Variants in KCNQ5 observed in about 807,000 individuals in gnomAD.
KCNQ5 encodes the protein potassium voltage-gated channel subfamily KQT member 5.
In KCNQ5, 30 loss-of-function variants were observed where a neutral mutation model predicts 98.2. The ratio of observed to expected loss-of-function variants is 0.31; its 90% confidence interval spans 0.23 to 0.41. KCNQ5 has a LOEUF of 0.41. KCNQ5 is among the 10% of genes least tolerant of loss of function. KCNQ5 has a pLI of 1.00. For synonymous variants in KCNQ5, 458 were observed against 449.4 expected, an observed-to-expected ratio of 1.02 and a Z score of -0.24; for missense variants, 835 against 1,182.5, an observed-to-expected ratio of 0.71 and a Z score of 4.31.
In KCNQ5 at chr6:73,024,881, C is replaced by A. The variant is rs576460619; in HGVS notation, c.490-17055C>A. Among the ~76,000 whole-genome samples the A allele has an allele frequency of 2.0e-5, 3 of 152,330 alleles. No individual in the cohort carries two copies. In the South Asian group the frequency reaches 6.2e-4, roughly 32 times the overall value. The stretch of plus-strand genomic sequence containing the variant: ...TGACAATAGTCATCCCACTGCCCAC[C>A]TTCCCACCAGCACAGTGTCTCTCCT... On this transcript the variant is annotated intron_variant, in intron 2 of 13. Coordinates refer to ENST00000370398, the MANE Select transcript of KCNQ5 (RefSeq NM_019842.4).
At chr6:73,143,336 C>T (rs1353221716) in intron 10 of KCNQ5, 1 of 152,182 alleles carries the variant, frequency 6.6e-6, no homozygotes, top group Non-Finnish European at 1.5e-5. Context: ...GCCATTAACT[C>T]GTATCCTCAC....
chr6:72,868,735 TAGCTG>T (rs1778089295), intron 1 of KCNQ5, among the ~76,000 whole-genome samples: 1 of 152,098 alleles, frequency 6.6e-6, no homozygotes, highest in African/African-American at 2.4e-5. Context: ...GTCTACATGG[TAGCTG>T]AGCTCCCATA....
intron 1 of KCNQ5, among the ~76,000 whole-genome samples, chr6:72,982,487 C>CTTTTTTTTTTT (rs141947372): frequency 6.1e-4 from 37 of 60,292 alleles, no homozygotes; most frequent in South Asian, 9.0e-4. Context: ...GCAACCCCTG[C>CTTTTTTTTTTT]TTTTTTTTTT....
intron 1 of KCNQ5, among the ~76,000 whole-genome samples, chr6:72,896,613 T>C (rs1310117521): frequency 1.3e-5 from 2 of 152,186 alleles, no homozygotes; most frequent in African/African-American, 4.8e-5. Context: ...CGTCCATAAC[T>C]GTACTGCTTT....
intron 11 of KCNQ5, among the ~76,000 whole-genome samples, chr6:73,190,231 ATGT>A (rs1765540789): frequency 6.6e-6 from 1 of 152,146 alleles, no homozygotes; most frequent in Non-Finnish European, 1.5e-5. Context: ...CTATTACTAG[ATGT>A]TGTATCTTGG....
chr6:73,014,194 T>C (rs532467250), intron 2 of KCNQ5, among the ~76,000 whole-genome samples: 1 of 152,222 alleles, frequency 6.6e-6, no homozygotes, highest in South Asian at 2.1e-4. Flanking sequence ...CTGTCTGGAG[T>C]GCATTTCCTC....
At position 72,765,374 on chromosome 6, in the gene KCNQ5, A is replaced by T. The variant is rs111888925; in HGVS notation, c.398+142787A>T. 2.0e-3 allele frequency among the ~76,000 whole-genome samples: 306 copies of T among 152,174 alleles called. 2 individuals carry two copies. The highest frequency in any genetic ancestry group is 7.0e-3 in the African/African-American group (289 of 41,536). Reference sequence around the variant, plus strand: ...AATAATCAATAAATAAGAATCTCAGATCAAGATAAGGACCATGCAGAAAGC... The same window carrying T: ...AATAATCAATAAATAAGAATCTCAGTTCAAGATAAGGACCATGCAGAAAGC... On this transcript the variant is annotated intron_variant, in intron 1 of 13. Coordinates refer to ENST00000370398, the MANE Select transcript of KCNQ5 (RefSeq NM_019842.4).
rs1770870793 is a variant in KCNQ5 at position 72,736,734 on chromosome 6, C to T, written c.398+114147C>T. Among the ~76,000 whole-genome samples the T allele has an allele frequency of 5.3e-5, 8 of 151,238 alleles. No homozygotes were observed. In the South Asian group the frequency reaches 1.5e-3, roughly 28 times the overall value. On this transcript the variant is annotated intron_variant, in intron 1 of 13. Coordinates refer to ENST00000370398, the MANE Select transcript of KCNQ5 (RefSeq NM_019842.4). ...CGGGATGGTCTCGATCTCCTGACCT[C>T]GTGATCCGCCCGCCTCGGCCTCCCA...
intron 7 of KCNQ5, among the ~76,000 whole-genome samples, chr6:73,116,612 G>C (rs750921477): frequency 1.4e-4 from 21 of 152,194 alleles, no homozygotes; most frequent in Non-Finnish European, 2.8e-4. Context: ...GGAGTTTGAA[G>C]CTGCTGTGAG....
At position 72,958,484 on chromosome 6, in the gene KCNQ5, C is replaced by G. The variant is rs75351056; in HGVS notation, c.399-45424C>G. Reference sequence around the variant, plus strand: ...TCCATGGGCACAATCACAGCCACTCCCTTCATCAAACATGTGCTCACTTTC... The same window carrying G: ...TCCATGGGCACAATCACAGCCACTCGCTTCATCAAACATGTGCTCACTTTC... On this transcript the variant is annotated intron_variant, in intron 1 of 13. Coordinates refer to ENST00000370398, the MANE Select transcript of KCNQ5 (RefSeq NM_019842.4). Among the ~76,000 whole-genome samples, 1,202 of 152,262 alleles carry G rather than the reference C, an allele frequency of 7.9e-3. 16 individuals carry two copies. The highest frequency in any genetic ancestry group is 0.027 in the African/African-American group (1,104 of 41,540).
At chr6:73,086,941 T>A (rs1774011848) in intron 5 of KCNQ5, among the ~76,000 whole-genome samples, 1 of 152,164 alleles carries the variant, frequency 6.6e-6, no homozygotes, top group African/African-American at 2.4e-5. Flanking sequence ...GCAAAGGCCC[T>A]GAGGCAGAAA....
intron 5 of KCNQ5, among the ~76,000 whole-genome samples, chr6:73,082,108 G>C (rs1773801405): frequency 6.6e-6 from 1 of 152,214 alleles, no homozygotes; most frequent in Non-Finnish European, 1.5e-5. Context: ...AAATGGTCCA[G>C]CTGAAGAGAT....
intron 1 of KCNQ5, among the ~76,000 whole-genome samples, chr6:72,766,106 G>T (rs913271769): frequency 3.3e-5 from 5 of 151,992 alleles, no homozygotes; most frequent in East Asian, 1.9e-4. Flanking sequence ...AGATAGGATG[G>T]TCAGGGAAGA....
intron 1 of KCNQ5, among the ~76,000 whole-genome samples, chr6:72,980,227 G>C (rs764955714): frequency 1.3e-5 from 2 of 152,188 alleles, no homozygotes; most frequent in African/African-American, 2.4e-5. Context: ...GTCACTGGTA[G>C]CTTAATGGGG....
At chr6:73,002,708 C>T (rs946202983) in intron 1 of KCNQ5, among the ~76,000 whole-genome samples, 2 of 152,184 alleles carry the variant, frequency 1.3e-5, no homozygotes, top group Non-Finnish European at 2.9e-5. Context: ...GTTATAACTA[C>T]TCAGTTCTGC....
At chr6:73,055,956 G>A in intron 3 of KCNQ5, 2 of 419,858 alleles carry the variant, frequency 4.8e-6, no homozygotes, top group Non-Finnish European at 9.2e-6. Context: ...TTGAGTTGCA[G>A]CTGCAGATGG....
intron 1 of KCNQ5, among the ~76,000 whole-genome samples, chr6:72,785,522 C>T (rs1405951171): frequency 1.3e-5 from 2 of 151,812 alleles, no homozygotes; most frequent in African/African-American, 2.4e-5. Flanking sequence ...TGATGGTGGG[C>T]GCCTGTAATC....
At chr6:72,796,361 C>T (rs1337199334) in intron 1 of KCNQ5, among the ~76,000 whole-genome samples, 1 of 152,058 alleles carries the variant, frequency 6.6e-6, no homozygotes, top group African/African-American at 2.4e-5. Context: ...CACTCCCAAG[C>T]CTGGACAATG....
In KCNQ5 at chr6:72,784,889, A is replaced by G. The variant is rs567633452; in HGVS notation, c.398+162302A>G. Among the ~76,000 whole-genome samples, 4 of 152,336 alleles carry G rather than the reference A, an allele frequency of 2.6e-5. No homozygotes were observed. The Middle Eastern group carries it at 0.014, about 518-fold the overall frequency. ...AGATTACCCCAGAAGAGAGAAAGTG[A>G]TGGTAATGGATTCTGGATTAACCAT... is the stretch of plus-strand genomic sequence containing the variant. On this transcript the variant is annotated intron_variant, in intron 1 of 13. Coordinates refer to ENST00000370398, the MANE Select transcript of KCNQ5 (RefSeq NM_019842.4).
Sources: gnomAD v4.1 joint callset for allele counts (sites outside exome capture counted in the v4.1 genomes callset) on GRCh38, gnomAD v4.1.1 for gene constraint, MANE v1.5 for transcripts, NCBI Gene and HGNC (gene_info 2026-07-23, HGNC 2026-07-21) for gene names.